The following EXOC4 variants were observed in gnomAD, a reference collection of about 807,000 sequenced individuals.
EXOC4 encodes the protein exocyst complex component 4, also known as SEC8-like 1.
EXOC4 carries 71 observed loss-of-function variants against 107.2 expected under a neutral mutation model. That is an observed-to-expected ratio of 0.66 (90% CI 0.55 to 0.81). The LOEUF (loss-of-function observed/expected upper bound fraction) is 0.81. Among genes scored for constraint, EXOC4 ranks in the 30% least tolerant of loss-of-function variants. The pLI is 0.00. For synonymous variants in EXOC4, 456 were observed against 441.2 expected (o/e 1.03, Z -0.42); for missense variants, 1,108 against 1,189.6 (o/e 0.93, Z 1.01).
intron 10 of EXOC4, among the ~76,000 whole-genome samples, chr7:133,804,187 A>G (rs1309800233): frequency 6.6e-6 from 1 of 152,202 alleles, no homozygotes; most frequent in Non-Finnish European, 1.5e-5. Context: ...GATACTGTTC[A>G]GGCAAAGTGT....
chr7:133,873,131 A>G (rs1368857548), intron 11 of EXOC4, among the ~76,000 whole-genome samples: 1 of 152,218 alleles, frequency 6.6e-6, no homozygotes, highest in Non-Finnish European at 1.5e-5. Context: ...CAACATAGTG[A>G]GACCCCATCT....
At position 133,621,390 on chromosome 7, in the gene EXOC4, TTTTA is replaced by T. The variant is rs1802326846; in HGVS notation, c.1418-8651_1418-8648del. Among the ~76,000 whole-genome samples, 5 of 152,322 alleles carry T rather than the reference TTTTA, an allele frequency of 3.3e-5. No homozygotes were observed. The South Asian group carries it at 1.0e-3, about 32-fold the overall frequency. On this transcript the variant is annotated intron_variant, in intron 9 of 17. Transcript: ENST00000253861. Reference sequence around the variant, plus strand: ...GTTGAACTACAAAAAAAAATATGATTTTTATTTGTTTATGAGAATTATTTTATGG... The same window carrying T: ...GTTGAACTACAAAAAAAAATATGATTTTTGTTTATGAGAATTATTTTATGG...
chr7:133,303,405 GC>G (rs748093548), intron 3 of EXOC4, among the ~76,000 whole-genome samples: 13 of 152,180 alleles, frequency 8.5e-5, no homozygotes, highest in Non-Finnish European at 1.9e-4. Context: ...TTGCACTCTA[GC>G]CTGGGCAACA....
intron 7 of EXOC4, among the ~76,000 whole-genome samples, chr7:133,426,061 C>T (rs1797719963): frequency 6.6e-6 from 1 of 152,178 alleles, no homozygotes; most frequent in Non-Finnish European, 1.5e-5. Flanking sequence ...GCCATGGTCA[C>T]TAATATTTGG....
intron 10 of EXOC4, among the ~76,000 whole-genome samples, chr7:133,776,470 T>C (rs1796347469): frequency 6.6e-6 from 1 of 152,126 alleles, no homozygotes; most frequent in Non-Finnish European, 1.5e-5. Context: ...TTCCTTTATG[T>C]GGAAAAAGGG....
rs1163259405 is a variant in EXOC4 at position 133,787,963 on chromosome 7, T to TTATATATATATA, written c.1515-29324_1515-29313dup. Among the ~76,000 whole-genome samples, 35 of 40,924 alleles carry TTATATATATATA rather than the reference T, an allele frequency of 8.6e-4. 1 individual carries two copies. The highest frequency in any genetic ancestry group is 1.2e-3 in the Non-Finnish European group (27 of 22,072). The allele number at this position is 40,924 out of a possible 152,430, so 26.8% of individuals were successfully genotyped here. Reference sequence around the variant, plus strand: ...CTTCCCTGTGCATATATTTATATATTTATATATATATATATATATATATAT... The same window carrying TTATATATATATA: ...CTTCCCTGTGCATATATTTATATATTTATATATATATATATATATATATATATATATATATAT... On this transcript the variant is annotated intron_variant, in intron 10 of 17. Transcript: ENST00000253861.
intron 7 of EXOC4, among the ~76,000 whole-genome samples, chr7:133,455,526 A>G (rs927329681): frequency 2.0e-5 from 3 of 152,236 alleles, no homozygotes; most frequent in Non-Finnish European, 4.4e-5. Context: ...TGGTTGATAT[A>G]TGAGACAAAA....
chr7:133,814,615 G>A (rs963490358), intron 10 of EXOC4, among the ~76,000 whole-genome samples: 3 of 152,046 alleles, frequency 2.0e-5, no homozygotes, highest in Admixed American at 2.0e-4. Context: ...CTTCCATAAG[G>A]GTTGTACTAT....
chr7:133,612,118 T>C (rs996628866), intron 9 of EXOC4, among the ~76,000 whole-genome samples: 1 of 152,110 alleles, frequency 6.6e-6, no homozygotes, highest in Non-Finnish European at 1.5e-5. Flanking sequence ...GGAAAACACT[T>C]AGGATATATT....
At chr7:133,458,194 T>C (rs1371578006) in intron 7 of EXOC4, among the ~76,000 whole-genome samples, 2 of 152,218 alleles carry the variant, frequency 1.3e-5, no homozygotes, top group Non-Finnish European at 2.9e-5. Flanking sequence ...TTGGTTGTTT[T>C]ACCTAGCTCC....
the EXOC4 span, among the ~76,000 whole-genome samples, chr7:134,082,934 A>G: frequency 6.6e-6 from 1 of 152,182 alleles, no homozygotes; most frequent in Non-Finnish European, 1.5e-5. Context: ...AATGGATGAC[A>G]TTACATATAA....
chr7:133,329,125 T>C (rs1795317842), intron 5 of EXOC4, among the ~76,000 whole-genome samples: 1 of 152,208 alleles, frequency 6.6e-6, no homozygotes. Context: ...TTCTTTTCAC[T>C]CTTTTCCCTC....
intron 10 of EXOC4, among the ~76,000 whole-genome samples, chr7:133,811,237 G>T (rs1254684852): frequency 6.6e-6 from 1 of 152,116 alleles, no homozygotes; most frequent in Non-Finnish European, 1.5e-5. Flanking sequence ...TCTTTTGACA[G>T]GGCTCCATCT....
At chr7:133,260,608 TG>T (rs1263355118) in intron 1 of EXOC4, among the ~76,000 whole-genome samples, 2 of 152,330 alleles carry the variant, frequency 1.3e-5, no homozygotes, top group East Asian at 3.9e-4. Context: ...AAAGTAGTTT[TG>T]GGTCTTCTAG....
intron 5 of EXOC4, among the ~76,000 whole-genome samples, chr7:133,334,528 T>G (rs988947002): frequency 6.6e-6 from 1 of 152,204 alleles, no homozygotes; most frequent in Non-Finnish European, 1.5e-5. Flanking sequence ...TGGGTTGATT[T>G]ATCATAGGTC....
At chr7:133,515,292 C>T (rs1185102469) in intron 9 of EXOC4, among the ~76,000 whole-genome samples, 1 of 151,782 alleles carries the variant, frequency 6.6e-6, no homozygotes, top group African/African-American at 2.4e-5. Flanking sequence ...GTATATCTTC[C>T]AACCATGGAG....
chr7:133,654,966 G>A (rs1803252757), intron 10 of EXOC4, among the ~76,000 whole-genome samples: 1 of 152,268 alleles, frequency 6.6e-6, no homozygotes, highest in Middle Eastern at 3.4e-3. Flanking sequence ...TAATGCAGCT[G>A]TATAGGTCCT....
rs1563015080 is a variant in EXOC4, at chr7:133,823,893, TTTTATATATATATATATAA to T, written c.1734+6350_1734+6368del. On this transcript the variant is annotated intron_variant, in intron 11 of 17. Transcript: ENST00000253861. ...TATATTATATATATATATATATATA[TTTTATATATATATATATAA>T]ATATATATATAAATTATATATATAT... Among the ~76,000 whole-genome samples the T allele has an allele frequency of 4.2e-3, 78 of 18,602 alleles. 4 individuals carry two copies. Among genetic ancestry groups the T allele is most frequent in the African/African-American group, 0.038 (57 of 1,508 alleles). 12.2% of individuals were successfully genotyped at this position (18,602 alleles called of 152,430 possible).
At position 133,475,453 on chromosome 7, in the gene EXOC4, G is replaced by A. The variant is rs756493214; in HGVS notation, c.1308G>A (p.Arg436=). The change falls in exon 8 of 18, where the codon AGG becomes AGA. Residue 436 remains arginine (R), a synonymous_variant. Coordinates refer to ENST00000253861, the MANE Select transcript of EXOC4 (RefSeq NM_021807.4). ...AAFFAKKKPQ[R]PKNSLFKFES... is the part of the protein sequence containing the mutation. ...TTTTTGCCAAGAAGAAACCTCAAAG[G>A]CCAAAAAATTCTCTTTTCAAGTAAG... The A allele has an allele frequency of 4.3e-6, 7 of 1,613,456 alleles. No homozygotes were observed. In the East Asian group the frequency reaches 1.6e-4, roughly 36 times the overall value.
Sources: gnomAD v4.1 joint callset for allele counts (sites outside exome capture counted in the v4.1 genomes callset) on GRCh38, gnomAD v4.1.1 for gene constraint, MANE v1.5 for transcripts, NCBI Gene and HGNC (gene_info 2026-07-23, HGNC 2026-07-21) for gene names.